Variants in XPO4 observed in about 807,000 individuals in gnomAD.
XPO4 encodes the protein exportin 4.
A neutral mutation model predicts 143.0 loss-of-function variants in XPO4; 39 were observed. The ratio of observed to expected loss-of-function variants is 0.27; its 90% CI spans 0.21 to 0.36. The LOEUF (loss-of-function observed/expected upper bound fraction) is 0.36. Ranked by LOEUF, XPO4 falls within the 10% of genes least tolerant of loss-of-function variation. The pLI, the probability that XPO4 is intolerant of heterozygous loss-of-function variation, is 1.00. For missense variants in XPO4, 907 were observed against 1,348.0 expected, an observed-to-expected ratio of 0.67 and a Z score of 5.12; for synonymous variants, 439 against 474.0, an observed-to-expected ratio of 0.93 and a Z score of 0.96.
At chr13:20,807,902 A>G (rs1448950936) in intron 12 of XPO4, among the ~76,000 whole-genome samples, 1 of 152,174 alleles carries the variant, frequency 6.6e-6, no homozygotes, top group Non-Finnish European at 1.5e-5. Flanking sequence ...AATTTTCAGT[A>G]CTGTATTCTG....
At chr13:20,827,788 G>A (rs973008282) in intron 6 of XPO4, among the ~76,000 whole-genome samples, 1 of 152,136 alleles carries the variant, frequency 6.6e-6, no homozygotes, top group African/African-American at 2.4e-5. Context: ...AATTCCCACA[G>A]ACTAAAAAGC....
At chr13:20,859,344 T>A (rs1451993278) in intron 3 of XPO4, among the ~76,000 whole-genome samples, 1 of 152,132 alleles carries the variant, frequency 6.6e-6, no homozygotes, top group Non-Finnish European at 1.5e-5. Context: ...CTCATATCTG[T>A]AATCCCAGCA....
At chr13:20,892,042 T>TC (rs1354512417) in intron 1 of XPO4, among the ~76,000 whole-genome samples, 7 of 151,758 alleles carry the variant, frequency 4.6e-5, no homozygotes, top group African/African-American at 1.7e-4. Flanking sequence ...TTTTGTTTTT[T>TC]TTTTTCGAGA....
rs9509394 is a variant in XPO4, at chr13:20,837,318, A to G, written c.727+5577T>C. Among the ~76,000 whole-genome samples the G allele has an allele frequency of 8.8e-3, 1,343 of 152,348 alleles. 8 individuals are homozygous for G. The highest frequency in any genetic ancestry group is 0.014 in the Middle Eastern group (4 of 294). On this transcript the variant is annotated intron_variant, in intron 6 of 22. Transcript: ENST00000255305. Reference sequence around the variant, plus strand: ...GTGACAATCCAAATTGTCTCAAGACACCACCAAATGTCCCAAGTATACAAA... The same window carrying G: ...GTGACAATCCAAATTGTCTCAAGACGCCACCAAATGTCCCAAGTATACAAA...
chr13:20,889,154 G>C (rs1241252378), intron 1 of XPO4, among the ~76,000 whole-genome samples: 2 of 137,812 alleles, frequency 1.5e-5, no homozygotes, highest in East Asian at 2.0e-4. Flanking sequence ...GTAGCCACTA[G>C]ACATGAGACT....
chr13:20,873,796 A>G (rs2060325927), intron 1 of XPO4, among the ~76,000 whole-genome samples: 1 of 152,150 alleles, frequency 6.6e-6, no homozygotes, highest in South Asian at 2.1e-4. Context: ...ATGCCCAGCT[A>G]ATTTTCTACA....
chr13:20,866,060 G>A (rs539930771), intron 2 of XPO4: 1 of 985,346 alleles, frequency 1.0e-6, no homozygotes, highest in East Asian at 1.1e-4. Context: ...GAAGAAGTAA[G>A]CCAATCCCTC....
chr13:20,890,347 G>A (rs1394221974), intron 1 of XPO4, among the ~76,000 whole-genome samples: 2 of 152,064 alleles, frequency 1.3e-5, no homozygotes, highest in Non-Finnish European at 2.9e-5. Flanking sequence ...CTACCTGGGA[G>A]GCTGAGGTGG....
intron 1 of XPO4, among the ~76,000 whole-genome samples, chr13:20,868,942 A>T (rs1017280356): frequency 3.9e-5 from 6 of 152,274 alleles, no homozygotes; most frequent in South Asian, 2.1e-4. Context: ...AAAGGTTTTT[A>T]AAAAACCTGC....
chr13:20,856,122 G>A (rs1188965685), intron 3 of XPO4, among the ~76,000 whole-genome samples: 3 of 152,092 alleles, frequency 2.0e-5, no homozygotes, highest in African/African-American at 4.8e-5. Context: ...TTCAACAGAT[G>A]TAAGTCAGCT....
chr13:20,808,406 T>C, intron 12 of XPO4, 30 bp downstream of exon 12: 1 of 1,496,890 alleles, frequency 6.7e-7, no homozygotes, highest in Non-Finnish European at 9.1e-7. Context: ...CAGTTGGCAA[T>C]TACATTTTAA....
At chr13:20,882,238 G>C (rs1176038581) in intron 1 of XPO4, among the ~76,000 whole-genome samples, 2 of 151,954 alleles carry the variant, frequency 1.3e-5, no homozygotes, top group African/African-American at 4.8e-5. Context: ...TACTATAAAG[G>C]AATACTTGAG....
At chr13:20,801,238 A>G (rs1279579053) in intron 13 of XPO4, among the ~76,000 whole-genome samples, 1 of 152,216 alleles carries the variant, frequency 6.6e-6, no homozygotes, top group Non-Finnish European at 1.5e-5. Flanking sequence ...AGTTGTAACC[A>G]CATGTGTGAA....
At chr13:20,859,382 C>A (rs932975555) in intron 3 of XPO4, among the ~76,000 whole-genome samples, 2 of 152,104 alleles carry the variant, frequency 1.3e-5, no homozygotes, top group African/African-American at 4.8e-5. Flanking sequence ...AGGCGGATCA[C>A]GAGGTCAGGA....
intron 18 of XPO4, among the ~76,000 whole-genome samples, chr13:20,791,060 A>G (rs1297444108): frequency 1.3e-5 from 2 of 152,078 alleles, no homozygotes; most frequent in Non-Finnish European, 2.9e-5. Flanking sequence ...AAAGTAGTTT[A>G]AAAAAGAACA....
intron 3 of XPO4, 149 bp downstream of exon 3, chr13:20,862,568 A>G: frequency 1.1e-6 from 1 of 916,500 alleles, no homozygotes; most frequent in Non-Finnish European, 1.6e-6. Context: ...GCTCAAGGAG[A>G]TCCTCCCTCT....
At chr13:20,861,987 G>A (rs957438133) in intron 3 of XPO4, among the ~76,000 whole-genome samples, 3 of 151,658 alleles carry the variant, frequency 2.0e-5, no homozygotes, top group Admixed American at 2.0e-4. Context: ...TGGCGTTTCC[G>A]CATATTGGCC....
intron 6 of XPO4, among the ~76,000 whole-genome samples, chr13:20,833,020 T>C (rs1360305364): frequency 6.6e-6 from 1 of 152,072 alleles, no homozygotes; most frequent in Non-Finnish European, 1.5e-5. Flanking sequence ...GAAGCCAACA[T>C]ACCACACATA....
chr13:20,860,300 C>T lies in XPO4; in HGVS notation c.317+2417G>A, dbSNP rs149958693. On this transcript the variant is annotated intron_variant, in intron 3 of 22. Coordinates refer to ENST00000255305, the MANE Select transcript of XPO4 (RefSeq NM_022459.5). ...TTTTAACCTTCCCACATATAAACTT[C>T]TATAAACACAGAGGCCCTAAGGCTT... Among the ~76,000 whole-genome samples, 38 of 152,290 alleles carry T rather than the reference C, an allele frequency of 2.5e-4. No individual in the cohort carries two copies. In the East Asian group the frequency reaches 6.5e-3, roughly 26 times the overall value.
Sources: allele counts gnomAD v4.1 joint callset (sites outside exome capture counted in the v4.1 genomes callset), GRCh38; gene constraint gnomAD v4.1.1; transcripts MANE v1.5; gene names NCBI Gene and HGNC (gene_info 2026-07-23, HGNC 2026-07-21).